CAPN2: variants seen among roughly 807,000 people sequenced by gnomAD.
CAPN2 encodes the protein calpain 2.
A neutral mutation model predicts 102.3 loss-of-function variants in CAPN2; 92 were observed. The ratio of observed to expected loss-of-function variants is 0.90; its 90% confidence interval spans 0.76 to 1.07. The LOEUF is 1.07. Ranked by LOEUF, CAPN2 falls within the 50% of genes least tolerant of loss-of-function variation. CAPN2 has a pLI of 0.00. For missense variants in CAPN2, 800 were observed against 909.4 expected (o/e 0.88, Z 1.55); for synonymous variants, 340 against 355.4 (o/e 0.96, Z 0.49).
chr1:223,748,933 G>A, intron 5 of CAPN2, 106 bp from the exon 6 acceptor site: 1 of 1,017,712 alleles, frequency 9.8e-7, no homozygotes, highest in Non-Finnish European at 1.5e-6. Context: ...CGGCCGCTGC[G>A]CTAGTGCGTC....
At chr1:223,772,065 G>T in intron 19 of CAPN2, 116 bp from the exon 20 acceptor site, 1 of 1,131,360 alleles carries the variant, frequency 8.8e-7, no homozygotes, top group Non-Finnish European at 1.3e-6. Context: ...CTAATTTGAG[G>T]GTGAGGAAGA....
At chr1:223,746,233 G>C (rs1165628747) in intron 4 of CAPN2, among the ~76,000 whole-genome samples, 2 of 152,104 alleles carry the variant, frequency 1.3e-5, no homozygotes, top group African/African-American at 4.8e-5. Flanking sequence ...CTCAATACTG[G>C]GGTCAGGGAA....
rs1246777597 is a variant in CAPN2, at chr1:223,759,054, A to G, written c.1318-216A>G. The G allele has an allele frequency of 3.4e-6, 2 of 581,988 alleles. No individual in the cohort carries two copies. Among genetic ancestry groups the G allele is most frequent in the East Asian group, 2.9e-5 (1 of 34,710 alleles). The allele number at this position is 581,988 out of a possible 1,614,324, so 36.1% of individuals were successfully genotyped here. A position where few individuals can be genotyped will look rare whatever the true frequency, so the allele number is the denominator to read the frequency against. On this transcript the variant is annotated intron_variant, in intron 11 of 20. Coordinates refer to ENST00000295006, the MANE Select transcript of CAPN2 (RefSeq NM_001748.5). This position sits in a 1 kb window ranked among gnomAD's most constrained non-coding sequence, Gnocchi z 4.6. ...ACTGTACTGCTATTTTTTTAAAAAA[A>G]TTTTGTTGTTTTGTTGTTGTTGTCG...
At chr1:223,728,659 CT>C (rs1660257126) in intron 2 of CAPN2, among the ~76,000 whole-genome samples, 1 of 152,208 alleles carries the variant, frequency 6.6e-6, no homozygotes, top group Non-Finnish European at 1.5e-5. Context: ...GAATAATGGC[CT>C]TCTTGTCCTT....
At chr1:223,710,364 AG>A (rs1372878610), upstream of CAPN2, among the ~76,000 whole-genome samples, 1 of 152,184 alleles carries the variant, frequency 6.6e-6, no homozygotes, top group African/African-American at 2.4e-5. Flanking sequence ...GCTCTAAACC[AG>A]GGTTTCTCAG....
chr1:223,718,817 A>G (rs1659953175), intron 2 of CAPN2, among the ~76,000 whole-genome samples: 1 of 152,142 alleles, frequency 6.6e-6, no homozygotes, highest in African/African-American at 2.4e-5. Context: ...ATGTATCTCT[A>G]AGGCACCGTG....
intron 16 of CAPN2, among the ~76,000 whole-genome samples, chr1:223,769,268 G>GCGCCAC (rs1465968570): frequency 8.6e-5 from 13 of 152,036 alleles, no homozygotes; most frequent in African/African-American, 3.1e-4. Context: ...CTACAGGTGC[G>GCGCCAC]CGCCACCATG....
At position 223,712,589 on chromosome 1, in the gene CAPN2, C is replaced by T. The variant is rs780964857; in HGVS notation, c.-52C>T. On this transcript the variant is annotated 5_prime_UTR_variant, in exon 1 of 21. Coordinates refer to ENST00000295006, the MANE Select transcript of CAPN2 (RefSeq NM_001748.5). ...CTGGCCGCGCCCCAGCCGAGCGCAG[C>T]GCGGAGTCGCCCCGACCTTTCTCTG... 4.1e-5 allele frequency: 59 copies of T among 1,450,588 alleles called. No homozygotes were observed. The highest frequency in any genetic ancestry group is 8.2e-6 in the Non-Finnish European group (9 of 1,101,880). 89.9% of individuals were successfully genotyped at this position (1,450,588 alleles called of 1,614,324 possible). A position where few individuals can be genotyped will look rare whatever the true frequency, so the allele number is the denominator to read the frequency against.
At chr1:223,751,357 C>T (rs1197541956) in intron 7 of CAPN2, among the ~76,000 whole-genome samples, 3 of 152,234 alleles carry the variant, frequency 2.0e-5, no homozygotes, top group Non-Finnish European at 4.4e-5. Flanking sequence ...AGAGAAACAT[C>T]CCTCTGTTGA....
At chr1:223,714,960 T>G (rs188470020) in intron 1 of CAPN2, among the ~76,000 whole-genome samples, 1 of 151,956 alleles carries the variant, frequency 6.6e-6, no homozygotes, top group Non-Finnish European at 1.5e-5. Context: ...TAAGGAAGAG[T>G]GTGACTTTTA....
chr1:223,726,219 A>G lies in CAPN2; in HGVS notation c.307+8388A>G, dbSNP rs181187937. Among the ~76,000 whole-genome samples, 1 of 152,242 alleles carries G rather than the reference A, an allele frequency of 6.6e-6. No individual in the cohort carries two copies. The highest frequency in any genetic ancestry group is 2.4e-5 in the African/African-American group (1 of 41,544). On this transcript the variant is annotated intron_variant, in intron 2 of 20. Coordinates refer to ENST00000295006, the MANE Select transcript of CAPN2 (RefSeq NM_001748.5). The surrounding 1 kb of genome is among the most constrained non-coding windows in gnomAD (Gnocchi z 4.4). ...AGTTCCTGAAGAGCAGGAATTTAAG[A>G]CAGGAATTGGCAGCCGAGGGCAAGG...
chr1:223,762,322 G>A, intron 14 of CAPN2, 71 bp downstream of exon 14: 4 of 1,252,422 alleles, frequency 3.2e-6, no homozygotes, highest in Non-Finnish European at 4.7e-6. Flanking sequence ...TGTCCCCAAG[G>A]GGACTTTAGT....
At chr1:223,748,910 C>T (rs1660816887) in intron 5 of CAPN2, 129 bp from the exon 6 acceptor site, 1 of 796,984 alleles carries the variant, frequency 1.3e-6, no homozygotes, top group Non-Finnish European at 2.2e-6. Flanking sequence ...CCTGAGCCTC[C>T]CACCCCAGGC....
upstream of CAPN2, among the ~76,000 whole-genome samples, chr1:223,708,942 A>T (rs535940470): frequency 1.3e-5 from 2 of 152,208 alleles, no homozygotes; most frequent in Non-Finnish European, 2.9e-5. Context: ...AATTCAGAGA[A>T]TCTGCAAGCA....
intron 2 of CAPN2, among the ~76,000 whole-genome samples, chr1:223,741,065 G>A (rs1255295761): frequency 1.3e-5 from 2 of 152,216 alleles, no homozygotes; most frequent in African/African-American, 2.4e-5. Context: ...GAACTGTTCT[G>A]TGACAAGGAA....
chr1:223,749,088 AG>A lies in CAPN2; in HGVS notation c.783del (p.His262ThrfsTer20), dbSNP rs1209870239. 3 of 1,614,100 alleles carry A rather than the reference AG, an allele frequency of 1.9e-6. No homozygotes were observed. In the African/African-American group the frequency reaches 4.0e-5, roughly 22 times the overall value. On this transcript the variant is annotated frameshift_variant, in exon 6 of 21. Transcript: ENST00000295006. LOFTEE classifies it high-confidence loss of function. The stretch of plus-strand genomic sequence containing the variant: ...GCCATCACGTTTCAGAAGCTGGTGA[AG>A]GGGCACGCGTACTCGGTCACCGGAG... The part of the protein sequence containing the change: ...SEAITFQKLV[K>X]GHAYSVTGAE...
At chr1:223,717,212 G>A (rs1659900199) in intron 1 of CAPN2, among the ~76,000 whole-genome samples, 1 of 152,170 alleles carries the variant, frequency 6.6e-6, no homozygotes, top group South Asian at 2.1e-4. Flanking sequence ...GTAGTAAATT[G>A]CAGAGTCCAG....
chr1:223,757,477 G>T (rs1661065827), intron 11 of CAPN2, 97 bp downstream of exon 11: 6 of 1,391,514 alleles, frequency 4.3e-6, no homozygotes, highest in Non-Finnish European at 6.1e-6. Flanking sequence ...CCGGGCAGGG[G>T]CTGGTGGTCA....
chr1:223,727,588 A>G lies in CAPN2; in HGVS notation c.307+9757A>G, dbSNP rs1437298614. Among the ~76,000 whole-genome samples the G allele has an allele frequency of 2.0e-5, 3 of 152,234 alleles. No homozygotes were observed. The highest frequency in any genetic ancestry group is 4.4e-5 in the Non-Finnish European group (3 of 68,048). On this transcript the variant is annotated intron_variant, in intron 2 of 20. Coordinates refer to ENST00000295006, the MANE Select transcript of CAPN2 (RefSeq NM_001748.5). This position sits in a 1 kb window ranked among gnomAD's most constrained non-coding sequence, Gnocchi z 4.1. ...GCAAGGGAGTGGCCGGATGGGAGGT[A>G]GGAATAGCAGTGGTAATCAGTAGGT... is the stretch of plus-strand genomic sequence containing the variant.
Sources: allele counts gnomAD v4.1 joint callset (sites outside exome capture counted in the v4.1 genomes callset), GRCh38; gene constraint gnomAD v4.1.1; non-coding constraint Gnocchi (gnomAD v3.1); transcripts MANE v1.5; gene names NCBI Gene and HGNC (gene_info 2026-07-23, HGNC 2026-07-21).